Variants in NTM observed in about 807,000 individuals in gnomAD.
The protein encoded by NTM is IgLON family member 2.
NTM carries 13 observed loss-of-function variants against 42.1 expected under a neutral mutation model. That is an observed-to-expected ratio of 0.31 (90% CI 0.20 to 0.49). The LOEUF (loss-of-function observed/expected upper bound fraction) is 0.49, where lower values mean the gene tolerates loss of function less well. NTM is among the 20% of genes least tolerant of loss of function. The pLI is 0.99. For synonymous variants in NTM, 187 were observed against 179.2 expected (o/e 1.04, Z -0.35); for missense variants, 373 against 452.8 (o/e 0.82, Z 1.60).
At chr11:131,445,056 T>C (rs1397053174) in intron 1 of NTM, among the ~76,000 whole-genome samples, 1 of 152,176 alleles carries the variant, frequency 6.6e-6, no homozygotes, top group East Asian at 1.9e-4. Flanking sequence ...AGCAGCAATA[T>C]TGGAATTTCA....
intron 3 of NTM, among the ~76,000 whole-genome samples, chr11:132,203,505 A>G (rs1176587340): frequency 6.6e-6 from 1 of 152,156 alleles, no homozygotes; most frequent in Non-Finnish European, 1.5e-5. Context: ...TATGAAGCTT[A>G]GGGTTCTTTT....
intron 1 of NTM, among the ~76,000 whole-genome samples, chr11:131,873,666 C>CAT (rs200923876): frequency 1.1e-4 from 12 of 112,848 alleles, no homozygotes; most frequent in East Asian, 2.3e-4. Flanking sequence ...TATATATACA[C>CAT]ATATATATAT....
intron 1 of NTM, among the ~76,000 whole-genome samples, chr11:131,676,437 CTG>C (rs367970023): frequency 9.9e-5 from 15 of 150,816 alleles, no homozygotes; most frequent in South Asian, 4.2e-4. Flanking sequence ...GTGTGTGTAT[CTG>C]TGTGTGTGTG....
intron 1 of NTM, among the ~76,000 whole-genome samples, chr11:131,740,570 T>C (rs2081056793): frequency 6.6e-6 from 1 of 152,160 alleles, no homozygotes; most frequent in Non-Finnish European, 1.5e-5. Context: ...CTTCAATTTT[T>C]TTTCTTGACT....
intron 1 of NTM, among the ~76,000 whole-genome samples, chr11:131,895,422 C>A (rs1414017192): frequency 6.6e-6 from 1 of 152,136 alleles, no homozygotes; most frequent in East Asian, 1.9e-4. Context: ...ACCTAGACTA[C>A]CTTTCTCAAT....
At chr11:131,910,356 C>CTTTTTTCCTAA (rs1443496430) in intron 1 of NTM, among the ~76,000 whole-genome samples, 1 of 152,138 alleles carries the variant, frequency 6.6e-6, no homozygotes. Flanking sequence ...TGCATGGTAA[C>CTTTTTTCCTAA]TTTGTCTTTT....
At chr11:131,895,992 G>A (rs2052204308) in intron 1 of NTM, among the ~76,000 whole-genome samples, 1 of 152,146 alleles carries the variant, frequency 6.6e-6, no homozygotes, top group South Asian at 2.1e-4. Context: ...CCACAACAAA[G>A]ACTAACACTA....
chr11:132,186,902 G>T (rs1241477705), intron 3 of NTM, among the ~76,000 whole-genome samples: 1 of 152,186 alleles, frequency 6.6e-6, no homozygotes, highest in Non-Finnish European at 1.5e-5. Context: ...CAAACGCTAG[G>T]TGGCGCCCTG....
chr11:131,650,780 A>G (rs1361617458), intron 1 of NTM, among the ~76,000 whole-genome samples: 2 of 152,232 alleles, frequency 1.3e-5, no homozygotes, highest in Non-Finnish European at 2.9e-5. Context: ...TAAAAAAATT[A>G]CTGGGAAATT....
At chr11:132,257,285 A>T (rs2092559692) in intron 4 of NTM, among the ~76,000 whole-genome samples, 1 of 152,232 alleles carries the variant, frequency 6.6e-6, no homozygotes, top group African/African-American at 2.4e-5. Context: ...AGGAAATAAT[A>T]AAAGGAGAAC....
At chr11:132,153,123 C>A (rs11222956) in intron 3 of NTM, among the ~76,000 whole-genome samples, 29,885 of 152,146 alleles carry the variant, frequency 0.2, 3,076 homozygotes, top group South Asian at 0.24. Context: ...CCACTGAGTT[C>A]TTACCCCTTA....
At chr11:131,613,221 C>T (rs1027689043) in intron 1 of NTM, among the ~76,000 whole-genome samples, 7 of 152,182 alleles carry the variant, frequency 4.6e-5, no homozygotes, top group Non-Finnish European at 7.3e-5. Flanking sequence ...GCACTCTCCT[C>T]GCCCTGGAAG....
Position 132,188,365 on chromosome 11 carries a change from C to G in NTM, c.401-23657C>G, listed in dbSNP as rs573948049. Among the ~76,000 whole-genome samples, 9 of 152,264 alleles carry G rather than the reference C, an allele frequency of 5.9e-5. No individual in the cohort carries two copies. In the East Asian group the frequency reaches 1.4e-3, roughly 23 times the overall value. On this transcript the variant is annotated intron_variant, in intron 3 of 8. Transcript: ENST00000683400. Reference sequence around the variant, plus strand: ...GGCCAGAAACCTGTGTCTTGTCTCCCTCCAGGCCATGCAAGGCTTGCTTTT... The same window carrying G: ...GGCCAGAAACCTGTGTCTTGTCTCCGTCCAGGCCATGCAAGGCTTGCTTTT...
chr11:132,253,403 CATA>C (rs2139412094), intron 4 of NTM, among the ~76,000 whole-genome samples: 1 of 152,302 alleles, frequency 6.6e-6, no homozygotes, highest in East Asian at 1.9e-4. Flanking sequence ...CTAACTCTAA[CATA>C]ATGTTTGTTT....
At chr11:131,492,479 A>G (rs549151036) in intron 1 of NTM, among the ~76,000 whole-genome samples, 5 of 152,264 alleles carry the variant, frequency 3.3e-5, no homozygotes, top group East Asian at 1.9e-4. Context: ...TATTATCCCA[A>G]TGTTACCAAA....
intron 1 of NTM, among the ~76,000 whole-genome samples, chr11:131,641,063 T>C (rs1192267154): frequency 6.6e-6 from 1 of 152,228 alleles, no homozygotes; most frequent in Non-Finnish European, 1.5e-5. Flanking sequence ...GCAGTCTCTC[T>C]GTGCTCATTT....
chr11:131,617,653 C>G (rs1184868532), intron 1 of NTM, among the ~76,000 whole-genome samples: 1 of 152,142 alleles, frequency 6.6e-6, no homozygotes, highest in Non-Finnish European at 1.5e-5. Context: ...TTATGTTGTT[C>G]TGAGCTGAAA....
chr11:132,052,529 T>A (rs558148772), intron 2 of NTM, among the ~76,000 whole-genome samples: 1 of 152,206 alleles, frequency 6.6e-6, no homozygotes, highest in Non-Finnish European at 1.5e-5. Context: ...AGAGATGTAC[T>A]CCACCCTGTT....
chr11:131,580,319 T>G (rs2058292628), intron 1 of NTM, among the ~76,000 whole-genome samples: 1 of 152,212 alleles, frequency 6.6e-6, no homozygotes, highest in Non-Finnish European at 1.5e-5. Flanking sequence ...ACTGTGGTTC[T>G]GAGATCTTTA....
Sources: allele counts gnomAD v4.1 joint callset (sites outside exome capture counted in the v4.1 genomes callset), GRCh38; gene constraint gnomAD v4.1.1; transcripts MANE v1.5; gene names NCBI Gene and HGNC (gene_info 2026-07-23, HGNC 2026-07-21).